The following ME2 variants were observed in gnomAD, a reference collection of about 807,000 sequenced individuals.
ME2 encodes the protein NAD-dependent malic enzyme, mitochondrial.
In ME2, 60 loss-of-function variants were observed where a neutral mutation model predicts 73.7. The ratio of observed to expected loss-of-function variants is 0.81; its 90% CI spans 0.66 to 1.01. The LOEUF (loss-of-function observed/expected upper bound fraction) is 1.01. Among genes scored for constraint, ME2 ranks in the 50% least tolerant of loss-of-function variants. The pLI, the probability that ME2 is intolerant of heterozygous loss-of-function variation, is 0.00. For synonymous variants in ME2, 199 were observed against 236.9 expected (o/e 0.84, Z 1.47); for missense variants, 594 against 705.5 (o/e 0.84, Z 1.79).
chr18:50,921,505 A>G (rs1917427585), intron 10 of ME2, among the ~76,000 whole-genome samples: 1 of 152,216 alleles, frequency 6.6e-6, no homozygotes, highest in Admixed American at 6.5e-5. Flanking sequence ...TTTAGTAGGA[A>G]CTGAGAACTT....
intron 12 of ME2, among the ~76,000 whole-genome samples, chr18:50,930,988 A>G (rs78264914): frequency 0.017 from 2,589 of 152,368 alleles, 32 homozygotes; most frequent in Non-Finnish European, 0.027. Context: ...TAAACCTTGT[A>G]TCATTTTGAA....
At chr18:50,939,916 T>C in intron 14 of ME2, 1 of 426,362 alleles carries the variant, frequency 2.3e-6, no homozygotes, top group Non-Finnish European at 4.2e-6. Flanking sequence ...GATAACTCCT[T>C]GCATGTTTTT....
chr18:50,912,905 T>C lies in ME2; in HGVS notation c.347T>C (p.Val116Ala), dbSNP rs1319770837. 5 of 1,612,336 alleles carry C rather than the reference T, an allele frequency of 3.1e-6. No homozygotes were observed. Among genetic ancestry groups the C allele is most frequent in the Non-Finnish European group, 4.2e-6 (5 of 1,179,318 alleles). ...ATGCCAATTGTATATACACCGACGG[T>C]TGGTCTTGCCTGCTCCCAGTATGGA... ...SLMPIVYTPTVGLACSQYGHI... is the reference protein window; with the variant it reads ...SLMPIVYTPTAGLACSQYGHI... The change falls in exon 4 of 16, where the codon GTT becomes GCT. Residue 116 changes from valine (V) to alanine (A), a missense_variant. Transcript: ENST00000321341.
intron 2 of ME2, among the ~76,000 whole-genome samples, chr18:50,907,524 A>T (rs1251137254): frequency 1.3e-5 from 2 of 152,224 alleles, no homozygotes; most frequent in African/African-American, 4.8e-5. Context: ...AATTTAACCC[A>T]TAGTCAAATG....
At chr18:50,899,766 A>C (rs1223696209) in intron 2 of ME2, among the ~76,000 whole-genome samples, 3 of 152,184 alleles carry the variant, frequency 2.0e-5, no homozygotes, top group Admixed American at 2.0e-4. Flanking sequence ...CACTTCTGTC[A>C]ATACCATGTA....
rs201456656 is a variant in ME2, at chr18:50,947,014, C to T, written c.1588-3C>T. On this transcript the variant is annotated splice_polypyrimidine_tract_variant and splice_region_variant and intron_variant, in intron 15 of 15. Transcript: ENST00000321341. ...CTACACAATAACCTTACTTATTTTT[C>T]AGGTTACAGAATACCTATATGCTAA... is the stretch of plus-strand genomic sequence containing the variant. 87 of 1,606,786 alleles carry T rather than the reference C, an allele frequency of 5.4e-5. No homozygotes were observed. In the East Asian group the frequency reaches 1.4e-3, roughly 26 times the overall value.
intron 13 of ME2, chr18:50,939,050 C>T (rs774518365): frequency 4.1e-5 from 6 of 148,012 alleles, no homozygotes; most frequent in East Asian, 2.0e-4. Context: ...TATGAAAGAG[C>T]GCTAAATATT....
intron 2 of ME2, among the ~76,000 whole-genome samples, chr18:50,902,388 T>C (rs1002108638): frequency 6.6e-6 from 1 of 152,236 alleles, no homozygotes; most frequent in African/African-American, 2.4e-5. Flanking sequence ...AAAAATCACA[T>C]TGCTATTATT....
At chr18:50,921,359 A>C (rs1917424103) in intron 10 of ME2, among the ~76,000 whole-genome samples, 172 bp downstream of exon 10, 1 of 152,092 alleles carries the variant, frequency 6.6e-6, no homozygotes, top group African/African-American at 2.4e-5. Flanking sequence ...TTTTACAAAG[A>C]CTTCTGCTTC....
Position 50,952,329 on chromosome 18 carries a change from T to C in ME2, c.*5145T>C, listed in dbSNP as rs1205781970. 2.0e-5 allele frequency: 3 copies of C among 152,224 alleles called. No individual in the cohort carries two copies. The highest frequency in any genetic ancestry group is 3.8e-4 in the East Asian group (2 of 5,204). The allele number at this position is 152,224 out of a possible 1,614,324, so 9.4% of individuals were successfully genotyped here. ...AGTTCAGGTGGGCCTAATTAAGACA[T>C]GACTATTATTACAAATCCTATTCTT... On this transcript the variant is annotated 3_prime_UTR_variant, in exon 16 of 16. Transcript: ENST00000321341.
chr18:50,896,202 G>C (rs1351811813), intron 2 of ME2, among the ~76,000 whole-genome samples: 1 of 152,154 alleles, frequency 6.6e-6, no homozygotes, highest in Non-Finnish European at 1.5e-5. Flanking sequence ...TCCCAGAATA[G>C]TGCTTTGGCC....
intron 2 of ME2, among the ~76,000 whole-genome samples, chr18:50,896,584 A>G (rs561385005): frequency 1.3e-5 from 2 of 152,332 alleles, no homozygotes; most frequent in African/African-American, 4.8e-5. Flanking sequence ...AGTAAGTAAA[A>G]GTTCTGGGAA....
chr18:50,896,728 C>A (rs1379094923), intron 2 of ME2, among the ~76,000 whole-genome samples: 1 of 152,060 alleles, frequency 6.6e-6, no homozygotes, highest in African/African-American at 2.4e-5. Context: ...AAAAAACTTG[C>A]CAGTCCCGTT....
At chr18:50,932,130 A>G (rs1196514002) in intron 12 of ME2, 128 bp from the exon 13 acceptor site, 5 of 669,290 alleles carry the variant, frequency 7.5e-6, no homozygotes, top group Non-Finnish European at 1.3e-5. Context: ...GTTATATAGT[A>G]TATTATGCCT....
chr18:50,896,632 T>G (rs1916753441), intron 2 of ME2, among the ~76,000 whole-genome samples: 1 of 152,156 alleles, frequency 6.6e-6, no homozygotes, highest in Admixed American at 6.5e-5. Context: ...GAGGATACAT[T>G]GAGTTTATTG....
intron 3 of ME2, among the ~76,000 whole-genome samples, chr18:50,909,117 C>G (rs1435886259): frequency 6.6e-6 from 1 of 151,956 alleles, no homozygotes; most frequent in Non-Finnish European, 1.5e-5. Flanking sequence ...CCACACCCGG[C>G]TAATTTTTGT....
chr18:50,916,143 C>T lies in ME2; in HGVS notation c.393-25C>T, dbSNP rs751413483. ...TTAGAAACAAAGCTGTTGTGAAATG[C>T]AAAGGTGTTTTTGTTCTGTTGCAGG... On this transcript the variant is annotated intron_variant, in intron 4 of 15. Transcript: ENST00000321341. The T allele has an allele frequency of 2.8e-5, 43 of 1,527,792 alleles. 2 individuals are homozygous for T. The South Asian group carries it at 5.0e-4, about 18-fold the overall frequency. The allele number at this position is 1,527,792 out of a possible 1,614,324, so 94.6% of individuals were successfully genotyped here. A position where few individuals can be genotyped will look rare whatever the true frequency, so the allele number is the denominator to read the frequency against.
At chr18:50,932,382 G>A in intron 13 of ME2, 22 bp downstream of exon 13, 1 of 1,548,038 alleles carries the variant, frequency 6.5e-7, no homozygotes, top group Non-Finnish European at 8.9e-7. Flanking sequence ...CATTATTTAT[G>A]TTATAGAGCA....
chr18:50,911,347 G>A lies in ME2; in HGVS notation c.243-1454G>A, dbSNP rs144487399. On this transcript the variant is annotated intron_variant, in intron 3 of 15. Coordinates refer to ENST00000321341, the MANE Select transcript of ME2 (RefSeq NM_002396.5). ...TAGAAAATAAAATTGAAGGGATCAC[G>A]TCTCCTCATTTATTCACCAAATATT... Among the ~76,000 whole-genome samples, 366 of 152,228 alleles carry A rather than the reference G, an allele frequency of 2.4e-3. 2 individuals are homozygous for A. The highest frequency in any genetic ancestry group is 8.3e-3 in the African/African-American group (346 of 41,526).
Sources: allele counts gnomAD v4.1 joint callset (sites outside exome capture counted in the v4.1 genomes callset), GRCh38; gene constraint gnomAD v4.1.1; transcripts MANE v1.5; gene names NCBI Gene and HGNC (gene_info 2026-07-23, HGNC 2026-07-21).